The following TIAM1 variants were observed in gnomAD, a reference collection of about 807,000 sequenced individuals.
The protein encoded by TIAM1 is rho guanine nucleotide exchange factor TIAM1.
In TIAM1, 65 loss-of-function variants were observed where a neutral mutation model predicts 163.5. The observed-to-expected ratio is 0.40, with a 90% confidence interval of 0.33 to 0.49. The LOEUF (loss-of-function observed/expected upper bound fraction) is 0.49. Ranked by LOEUF, TIAM1 falls within the 20% of genes least tolerant of loss-of-function variation. The probability of loss-of-function intolerance (pLI) is 0.77; values close to 1 mark genes in which losing one functional copy is unlikely to be tolerated. For missense variants in TIAM1, 1,789 were observed against 2,044.7 expected, an observed-to-expected ratio of 0.87 and a Z score of 2.41; for synonymous variants, 833 against 810.1, an observed-to-expected ratio of 1.03 and a Z score of -0.48.
At chr21:31,241,513 C>T (rs1156360697) in intron 6 of TIAM1, among the ~76,000 whole-genome samples, 2 of 152,142 alleles carry the variant, frequency 1.3e-5, no homozygotes, top group Non-Finnish European at 2.9e-5. Flanking sequence ...TCAGTGGGCA[C>T]ACATAACAAA....
At chr21:31,346,371 A>G (rs982591518), upstream of TIAM1, among the ~76,000 whole-genome samples, 2 of 152,192 alleles carry the variant, frequency 1.3e-5, no homozygotes, top group Non-Finnish European at 2.9e-5. Context: ...TGAGAACCAT[A>G]CATATGGGCT....
intron 1 of TIAM1, among the ~76,000 whole-genome samples, chr21:31,545,741 G>GT (rs1292073681): frequency 6.6e-6 from 1 of 152,208 alleles, no homozygotes; most frequent in Non-Finnish European, 1.5e-5. Flanking sequence ...GGGCTCCTCT[G>GT]TGGCCCCCAC....
chr21:31,144,764 G>C (rs1291669823), intron 20 of TIAM1, among the ~76,000 whole-genome samples: 1 of 146,564 alleles, frequency 6.8e-6, no homozygotes, highest in Non-Finnish European at 1.5e-5. Flanking sequence ...GGGAGGCAGA[G>C]GTTGCAGTGA....
At chr21:31,489,889 C>T (rs924307052) in intron 1 of TIAM1, among the ~76,000 whole-genome samples, 10 of 152,072 alleles carry the variant, frequency 6.6e-5, no homozygotes, top group African/African-American at 2.4e-4. Flanking sequence ...ACAAGGTTTC[C>T]GGATCATTAC....
intron 4 of TIAM1, among the ~76,000 whole-genome samples, chr21:31,261,192 C>A (rs998506504): frequency 3.3e-5 from 5 of 151,734 alleles, no homozygotes; most frequent in African/African-American, 4.8e-5. Flanking sequence ...GTTATCCTGG[C>A]CATCTCTCTC....
chr21:31,488,197 T>G (rs2046341626), intron 1 of TIAM1, among the ~76,000 whole-genome samples: 1 of 152,190 alleles, frequency 6.6e-6, no homozygotes, highest in Admixed American at 6.5e-5. Context: ...GGAATGTCTA[T>G]GCCGACGCTG....
chr21:31,135,116 T>C lies in TIAM1; in HGVS notation c.3883+817A>G, dbSNP rs192515452. On this transcript the variant is annotated intron_variant, in intron 23 of 27. Transcript: ENST00000541036. ...TTCCATTATATTATGTTCCTACCCATGAGTCTTTTAGCAAGAGGCTAGGAC... is the reference window on the plus strand; with the variant it reads ...TTCCATTATATTATGTTCCTACCCACGAGTCTTTTAGCAAGAGGCTAGGAC... 1.5e-3 allele frequency among the ~76,000 whole-genome samples: 223 copies of C among 152,102 alleles called. 1 individual carries two copies. The highest frequency in any genetic ancestry group is 2.5e-3 in the Non-Finnish European group (173 of 68,016).
At chr21:31,168,919 C>T (rs1298956628) in intron 15 of TIAM1, among the ~76,000 whole-genome samples, 1 of 152,150 alleles carries the variant, frequency 6.6e-6, no homozygotes, top group Non-Finnish European at 1.5e-5. Context: ...CAATAACTGA[C>T]AAAATCAGGC....
intron 2 of TIAM1, among the ~76,000 whole-genome samples, chr21:31,368,136 C>T (rs2076530964): frequency 1.3e-5 from 2 of 152,304 alleles, no homozygotes; most frequent in African/African-American, 4.8e-5. Context: ...CTTTAACCAA[C>T]TTGATGGCAA....
chr21:31,178,246 C>T (rs77013390), intron 15 of TIAM1, among the ~76,000 whole-genome samples: 3,205 of 151,840 alleles, frequency 0.021, 53 homozygotes, highest in Non-Finnish European at 0.029. Context: ...AAGTGAAATG[C>T]CTTCTCTCCA....
intron 1 of TIAM1, among the ~76,000 whole-genome samples, chr21:31,520,960 T>C (rs573335123): frequency 6.6e-6 from 1 of 152,320 alleles, no homozygotes; most frequent in South Asian, 2.1e-4. Flanking sequence ...AAAGAACCCA[T>C]GCCTGGCAAA....
chr21:31,483,708 T>C (rs942795498), intron 1 of TIAM1, among the ~76,000 whole-genome samples: 2 of 152,114 alleles, frequency 1.3e-5, no homozygotes, highest in African/African-American at 4.8e-5. Flanking sequence ...CACTGCTTCA[T>C]GACAGAGTCC....
At chr21:31,502,524 C>T (rs1402249154) in intron 1 of TIAM1, among the ~76,000 whole-genome samples, 1 of 152,140 alleles carries the variant, frequency 6.6e-6, no homozygotes, top group Admixed American at 6.6e-5. Context: ...CCACCCTCCC[C>T]CAAATCTGGG....
chr21:31,335,918 C>T (rs1389186364), intron 2 of TIAM1, among the ~76,000 whole-genome samples: 4 of 152,182 alleles, frequency 2.6e-5, no homozygotes, highest in African/African-American at 7.2e-5. Context: ...ACCTAGGTTC[C>T]ACCAAGTAGA....
intron 5 of TIAM1, among the ~76,000 whole-genome samples, chr21:31,249,682 A>T (rs1303669252): frequency 1.3e-5 from 2 of 152,002 alleles, no homozygotes; most frequent in Non-Finnish European, 2.9e-5. Context: ...ATCTCCTCTC[A>T]CTCCCCCAGA....
chr21:31,468,201 C>T (rs548777050), intron 1 of TIAM1, among the ~76,000 whole-genome samples: 5 of 151,976 alleles, frequency 3.3e-5, no homozygotes, highest in Admixed American at 6.6e-5. Flanking sequence ...GTTGGTCACA[C>T]ACAGTGGCTC....
At chr21:31,145,868 TC>T (rs2083083626) in intron 20 of TIAM1, among the ~76,000 whole-genome samples, 1 of 152,216 alleles carries the variant, frequency 6.6e-6, no homozygotes, top group African/African-American at 2.4e-5. Context: ...CCAATTTTTT[TC>T]CTCATCAACA....
At chr21:31,552,948 C>T (rs924954178) in intron 1 of TIAM1, among the ~76,000 whole-genome samples, 2 of 152,252 alleles carry the variant, frequency 1.3e-5, no homozygotes. Context: ...AGGAAGTGCA[C>T]GTGGCACCGC....
chr21:31,345,709 G>A (rs555659372), upstream of TIAM1, among the ~76,000 whole-genome samples: 13 of 152,248 alleles, frequency 8.5e-5, no homozygotes, highest in African/African-American at 2.4e-4. Context: ...CCAGCACTTC[G>A]GAAGGCTGAG....
Sources: gnomAD v4.1 joint callset for allele counts (sites outside exome capture counted in the v4.1 genomes callset) on GRCh38, gnomAD v4.1.1 for gene constraint, MANE v1.5 for transcripts, NCBI Gene and HGNC (gene_info 2026-07-23, HGNC 2026-07-21) for gene names.